The following SPTBN1 variants were observed in gnomAD, a reference collection of about 807,000 sequenced individuals.
The protein encoded by SPTBN1 is spectrin beta, non-erythrocytic 1, also known as spectrin beta chain, non-erythrocytic 1.
A neutral mutation model predicts 266.4 loss-of-function variants in SPTBN1; 32 were observed. That is an observed-to-expected ratio of 0.12 (90% confidence interval 0.09 to 0.16). The LOEUF (loss-of-function observed/expected upper bound fraction) is 0.16, where lower values mean the gene tolerates loss of function less well. SPTBN1 is among the 10% of genes least tolerant of loss of function. The pLI, the probability that SPTBN1 is intolerant of heterozygous loss-of-function variation, is 1.00. For missense variants in SPTBN1, 2,296 were observed against 3,067.1 expected, an observed-to-expected ratio of 0.75 and a Z score of 5.94; for synonymous variants, 1,336 against 1,162.2, an observed-to-expected ratio of 1.15 and a Z score of -3.04.
chr2:54,652,008 C>G (rs184316830), intron 26 of SPTBN1, among the ~76,000 whole-genome samples: 5 of 152,142 alleles, frequency 3.3e-5, no homozygotes, highest in East Asian at 1.9e-4. Flanking sequence ...TCCGTACCCC[C>G]CCGCCTTTTA....
intron 2 of SPTBN1, among the ~76,000 whole-genome samples, chr2:54,592,614 C>T (rs1345157080): frequency 6.6e-6 from 1 of 152,234 alleles, no homozygotes; most frequent in Non-Finnish European, 1.5e-5. Flanking sequence ...CAAACTACTT[C>T]TGACCTCAGG....
At chr2:54,577,758 G>A (rs1225761255) in intron 2 of SPTBN1, among the ~76,000 whole-genome samples, 9 of 152,168 alleles carry the variant, frequency 5.9e-5, no homozygotes, top group South Asian at 2.1e-4. Context: ...TGCGCTTTGG[G>A]ACTCAATTTT....
In SPTBN1 at chr2:54,477,555, A is replaced by G. The variant is rs138180253; in HGVS notation, c.-48+21037A>G. On this transcript the variant is annotated intron_variant, in intron 1 of 35. Transcript: ENST00000356805. ...ATTGCTGTTTTATGACAGGAAACAC[A>G]CTTTTAAAGCTGTCAGTTACCTCAC... Among the ~76,000 whole-genome samples, 1,048 of 152,198 alleles carry G rather than the reference A, an allele frequency of 6.9e-3. 10 individuals are homozygous for G. Among genetic ancestry groups the G allele is most frequent in the Middle Eastern group, 0.014 (4 of 294 alleles).
intron 35 of SPTBN1, among the ~76,000 whole-genome samples, chr2:54,668,015 T>A (rs1681480858): frequency 1.3e-5 from 2 of 151,596 alleles, no homozygotes. Flanking sequence ...AAAGAGAGAG[T>A]CCATTGATGG....
At chr2:54,468,520 C>G (rs900077979) in intron 1 of SPTBN1, among the ~76,000 whole-genome samples, 18 of 152,164 alleles carry the variant, frequency 1.2e-4, no homozygotes, top group Non-Finnish European at 1.9e-4. Flanking sequence ...ATGTTCAGCA[C>G]TCTTGCAGCT....
chr2:54,659,067 C>A (rs1361826656), intron 30 of SPTBN1, 87 bp from the exon 31 acceptor site: 1 of 1,418,446 alleles, frequency 7.0e-7, no homozygotes, highest in African/African-American at 1.4e-5. Flanking sequence ...GCAAACTAGA[C>A]AGGAGGACTT....
At chr2:54,507,709 G>C (rs1003722189) in intron 1 of SPTBN1, among the ~76,000 whole-genome samples, 4 of 152,108 alleles carry the variant, frequency 2.6e-5, no homozygotes, top group African/African-American at 9.6e-5. Flanking sequence ...AAGCTTTTAG[G>C]CTCTATCTTT....
chr2:54,554,169 A>AT lies in SPTBN1; in HGVS notation c.148+27608dup, dbSNP rs1672734537. 6.6e-6 allele frequency among the ~76,000 whole-genome samples: 1 copy of AT among 152,112 alleles called. No homozygotes were observed. The highest frequency in any genetic ancestry group is 2.4e-5 in the African/African-American group (1 of 41,400). ...TTGATACCACTTACTGAGTTCTGTG[A>AT]TTTTTCAGAAAAGCTTAGAAACCCA... On this transcript the variant is annotated intron_variant, in intron 2 of 35. Transcript: ENST00000356805. This position sits in a 1 kb window ranked among gnomAD's most constrained non-coding sequence, Gnocchi z 4.5.
intron 11 of SPTBN1, 89 bp from the exon 12 acceptor site, chr2:54,625,843 G>T: frequency 1.4e-6 from 2 of 1,425,000 alleles, no homozygotes; most frequent in Non-Finnish European, 1.9e-6. Context: ...TGCCCGCCTC[G>T]GCCTCCCAAA....
At chr2:54,562,533 C>CTTTTTTTCTTTTTTTTTTTTTTTTTTTT (rs746897447) in intron 2 of SPTBN1, among the ~76,000 whole-genome samples, 17 of 126,816 alleles carry the variant, frequency 1.3e-4, no homozygotes, top group South Asian at 4.8e-4. Context: ...TTTTCTTTTT[C>CTTTTTTTCTTTTTTTTTTTTTTTTTTTT]TTTTTTTTTT....
intron 1 of SPTBN1, among the ~76,000 whole-genome samples, chr2:54,476,080 G>A (rs191440539): frequency 6.6e-6 from 1 of 151,438 alleles, no homozygotes; most frequent in Non-Finnish European, 1.5e-5. Flanking sequence ...AGGCAGGTTA[G>A]GCTGGTGCTG....
At position 54,530,320 on chromosome 2, in the gene SPTBN1, C is replaced by G. The variant is rs111542315; in HGVS notation, c.148+3754C>G. 1.3e-3 allele frequency among the ~76,000 whole-genome samples: 178 copies of G among 137,842 alleles called. 2 individuals are homozygous for G. The highest frequency in any genetic ancestry group is 4.1e-3 in the African/African-American group (154 of 37,336). 90.4% of individuals were successfully genotyped at this position (137,842 alleles called of 152,430 possible). A position where few individuals can be genotyped will look rare whatever the true frequency, so the allele number is the denominator to read the frequency against. On this transcript the variant is annotated intron_variant, in intron 2 of 35. Transcript: ENST00000356805. ...ATTCTCACCCAGTTGACAGATACTTCCTATTATTAGGTTATCTGTGAATTG... is the reference window on the plus strand; with the variant it reads ...ATTCTCACCCAGTTGACAGATACTTGCTATTATTAGGTTATCTGTGAATTG...
intron 2 of SPTBN1, among the ~76,000 whole-genome samples, chr2:54,539,620 A>C (rs995827775): frequency 6.6e-6 from 1 of 151,804 alleles, no homozygotes; most frequent in Non-Finnish European, 1.5e-5. Context: ...GCTCATTGCG[A>C]CCTCCACCTT....
chr2:54,484,488 A>G (rs1282559702), intron 1 of SPTBN1, among the ~76,000 whole-genome samples: 1 of 152,194 alleles, frequency 6.6e-6, no homozygotes, highest in African/African-American at 2.4e-5. Context: ...TCAGAGAGCA[A>G]GGTAGGAAAT....
At chr2:54,632,807 T>C (rs754917717) in intron 17 of SPTBN1, 39 bp downstream of exon 17, 1 of 1,602,314 alleles carries the variant, frequency 6.2e-7, no homozygotes, top group Non-Finnish European at 8.5e-7. Context: ...CCTTGCACCT[T>C]GGGGCTCTCA....
intron 1 of SPTBN1, among the ~76,000 whole-genome samples, chr2:54,485,828 C>T (rs540848534): frequency 9.3e-5 from 14 of 150,588 alleles, no homozygotes; most frequent in African/African-American, 2.9e-4. Context: ...ATGTGGGGAG[C>T]GCCTCTGCCC....
intron 26 of SPTBN1, among the ~76,000 whole-genome samples, chr2:54,651,335 C>T (rs370283738): frequency 3.3e-5 from 5 of 151,750 alleles, no homozygotes; most frequent in African/African-American, 1.2e-4. Flanking sequence ...TCTCGTCCCT[C>T]GAGTCTGATA....
intron 3 of SPTBN1, among the ~76,000 whole-genome samples, chr2:54,609,902 C>A (rs985695475): frequency 6.6e-6 from 1 of 152,138 alleles, no homozygotes; most frequent in African/African-American, 2.4e-5. Flanking sequence ...AGGTTAGCAG[C>A]CTTATGAATA....
intron 2 of SPTBN1, among the ~76,000 whole-genome samples, chr2:54,594,440 C>G (rs1675910160): frequency 6.6e-6 from 1 of 152,002 alleles, no homozygotes; most frequent in African/African-American, 2.4e-5. Context: ...CTAAAGTATA[C>G]AGGAAGATGT....
Sources: allele counts gnomAD v4.1 joint callset (sites outside exome capture counted in the v4.1 genomes callset), GRCh38; gene constraint gnomAD v4.1.1; non-coding constraint Gnocchi (gnomAD v3.1); transcripts MANE v1.5; gene names NCBI Gene and HGNC (gene_info 2026-07-23, HGNC 2026-07-21).